Variants in NLRP13 observed in about 807,000 individuals in gnomAD.
NLRP13 encodes the protein NACHT, LRR and PYD domains-containing protein 13.
Under a neutral mutation model 94.4 loss-of-function variants are expected in NLRP13, and 82 were observed. The ratio of observed to expected loss-of-function variants is 0.87; its 90% CI spans 0.73 to 1.04. The LOEUF is 1.04. Ranked by LOEUF, NLRP13 falls within the 50% of genes least tolerant of loss-of-function variation. The pLI is 0.00. For missense variants in NLRP13, 1,426 were observed against 1,230.8 expected (o/e 1.16, Z -2.37); for synonymous variants, 553 against 464.7 (o/e 1.19, Z -2.45).
chr19:55,920,067 C>G (rs1370914628), intron 4 of NLRP13, among the ~76,000 whole-genome samples: 2 of 152,102 alleles, frequency 1.3e-5, no homozygotes, highest in African/African-American at 2.4e-5. Flanking sequence ...TCAATAAAAA[C>G]ACGCACTAGG....
intron 7 of NLRP13, among the ~76,000 whole-genome samples, chr19:55,905,455 A>G (rs979196629): frequency 8.4e-6 from 1 of 118,794 alleles, no homozygotes; most frequent in African/African-American, 2.7e-5. Flanking sequence ...ATATATATAC[A>G]TATATACACA....
In NLRP13 at chr19:55,912,668, A is replaced by T. The variant is rs1321974731; in HGVS notation, c.1149T>A (p.Ile383=). Residue 383 remains isoleucine, a synonymous_variant, in exon 5 of 11, where the codon ATT becomes ATA. Transcript: ENST00000342929. ...ASLVNPCFVQ[I]TGFTGDDLRV... ...GTAGGTCGTCCCCTGTGAACCCTGT[A>T]ATTTGTACAAAGCATGGATTCACTA... 3.1e-6 allele frequency: 5 copies of T among 1,614,062 alleles called. No individual in the cohort carries two copies. Among genetic ancestry groups the T allele is most frequent in the Non-Finnish European group, 4.2e-6 (5 of 1,180,040 alleles).
At chr19:55,928,963 G>A (rs1433741419) in intron 1 of NLRP13, among the ~76,000 whole-genome samples, 3 of 152,028 alleles carry the variant, frequency 2.0e-5, no homozygotes, top group Non-Finnish European at 4.4e-5. Context: ...TCAAAAAGTG[G>A]GCGAAGTATA....
At chr19:55,928,284 A>C (rs111770180) in intron 1 of NLRP13, among the ~76,000 whole-genome samples, 86 of 152,278 alleles carry the variant, frequency 5.6e-4, no homozygotes, top group African/African-American at 1.8e-3. Flanking sequence ...ACAAAGGATA[A>C]ATGCTTGACG....
downstream of NLRP13, chr19:55,892,087 CCTCT>C (rs766843510): frequency 1.6e-6 from 2 of 1,231,660 alleles, no homozygotes; most frequent in Non-Finnish European, 2.0e-6. Flanking sequence ...GTCTGTATCT[CCTCT>C]CTCACTACAT....
chr19:55,928,028 A>G (rs924034694), intron 1 of NLRP13, among the ~76,000 whole-genome samples: 1 of 152,212 alleles, frequency 6.6e-6, no homozygotes, highest in Non-Finnish European at 1.5e-5. Flanking sequence ...GATGGGGCTA[A>G]CAGGGCACTA....
At position 55,932,209 on chromosome 19, in the gene NLRP13, A is replaced by G. The variant is rs1312011569; in HGVS notation, c.103T>C (p.Cys35Arg). ...TCCATCAGCTGCTGGGGTTCCAAGC[A>G]AAGCTTGAATTCCTCCAGCTGATAC... ...DQYQLEEFKL[C>R]LEPQQLMDFW... The change falls in exon 1 of 11, where the codon TGC (cysteine) becomes CGC (arginine). Residue 35 changes from cysteine (C) to arginine (R), a missense_variant. By Grantham distance (180) the Cys-to-Arg change is radical (BLOSUM62 -3). Transcript: ENST00000342929. 6.2e-7 allele frequency: 1 copy of G among 1,613,970 alleles called. No individual in the cohort carries two copies.
chr19:55,920,991 T>A (rs1986809676), intron 4 of NLRP13, among the ~76,000 whole-genome samples: 1 of 152,184 alleles, frequency 6.6e-6, no homozygotes, highest in African/African-American at 2.4e-5. Flanking sequence ...GAGGCCATTA[T>A]CTTAAGTGAA....
At chr19:55,892,531 C>A (rs1395757942), downstream of NLRP13, among the ~76,000 whole-genome samples, 1 of 152,132 alleles carries the variant, frequency 6.6e-6, no homozygotes, top group Non-Finnish European at 1.5e-5. Flanking sequence ...CAGCGATTCT[C>A]CTGCCTTAGG....
At chr19:55,916,436 G>T (rs1307274499) in intron 4 of NLRP13, among the ~76,000 whole-genome samples, 1 of 152,128 alleles carries the variant, frequency 6.6e-6, no homozygotes, top group Non-Finnish European at 1.5e-5. Context: ...AGCTCAGTGA[G>T]ATCCAAGAGA....
At position 55,902,114 on chromosome 19, in the gene NLRP13, T is replaced by C; in HGVS notation, c.2710A>G (p.Lys904Glu). 6.2e-7 allele frequency: 1 copy of C among 1,614,134 alleles called. No homozygotes were observed. Among genetic ancestry groups the C allele is most frequent in the Non-Finnish European group, 8.5e-7 (1 of 1,180,006 alleles). The change falls in exon 9 of 11, where the codon AAG becomes GAG. Residue 904 changes from lysine (K) to glutamate (E), a missense_variant. Transcript: ENST00000342929. ...ACTCCCTCGTCTCTCAGGCTGTTCT[T>C]GCTCAGATTCAGGTGTGTCAGGCTC... ...NRSLTHLNLS[K>E]NSLRDEGVKF...
chr19:55,912,019 G>A lies in NLRP13; in HGVS notation c.1798C>T (p.Leu600=), dbSNP rs1986532087. The A allele has an allele frequency of 1.2e-6, 2 of 1,614,134 alleles. No individual in the cohort carries two copies. The highest frequency in any genetic ancestry group is 2.7e-5 in the African/African-American group (2 of 75,032). Residue 600 remains leucine (L), a synonymous_variant, in exon 5 of 11, where the codon CTG becomes TTG. Coordinates refer to ENST00000342929, the MANE Select transcript of NLRP13 (RefSeq NM_176810.2). ...GLLNKNIARE[L]EDTLHCKISP... The stretch of plus-strand genomic sequence containing the variant: ...ATTTTACAATGCAAAGTATCTTCCA[G>A]TTCTCTTGCTATGTTTTTATTTAAA...
Position 55,912,979 on chromosome 19 carries a change from T to A in NLRP13, c.838A>T (p.Thr280Ser). 17 of 1,614,132 alleles carry A rather than the reference T, an allele frequency of 1.1e-5. No homozygotes were observed. Among genetic ancestry groups the A allele is most frequent in the Non-Finnish European group, 1.4e-5 (17 of 1,180,004 alleles). The change falls in exon 5 of 11, where the codon ACC (threonine) becomes TCC (serine). Residue 280 changes from threonine (T) to serine (S), a missense_variant. Physicochemically the swap from Thr to Ser is moderately conservative, Grantham distance 58. Coordinates refer to ENST00000342929, the MANE Select transcript of NLRP13 (RefSeq NM_176810.2). ...TCCAAAGAAATCAATTCAGCAAAGG[T>A]AGTTTCCTTCATGTACCTTATTTTA... ...CHKIRYMKET[T>S]FAELISLDWP... is the part of the protein sequence containing the mutation.
At chr19:55,899,786 A>G (rs924199478) in intron 9 of NLRP13, among the ~76,000 whole-genome samples, 1 of 152,126 alleles carries the variant, frequency 6.6e-6, no homozygotes, top group Non-Finnish European at 1.5e-5. Flanking sequence ...TTTAAAAAAA[A>G]TTTTGACTAC....
chr19:55,928,218 GC>G (rs1987017746), intron 1 of NLRP13, among the ~76,000 whole-genome samples: 1 of 152,140 alleles, frequency 6.6e-6, no homozygotes, highest in Admixed American at 6.5e-5. Flanking sequence ...GCCCCGCCTG[GC>G]CCTGCAGCCT....
chr19:55,904,889 A>T, intron 8 of NLRP13, 53 bp downstream of exon 8: 1 of 1,451,184 alleles, frequency 6.9e-7, no homozygotes, highest in Non-Finnish European at 9.5e-7. Flanking sequence ...CCATTGTTCT[A>T]GATATCTGTG....
intron 1 of NLRP13, among the ~76,000 whole-genome samples, chr19:55,931,344 T>C (rs1987127999): frequency 6.6e-6 from 1 of 152,098 alleles, no homozygotes; most frequent in African/African-American, 2.4e-5. Flanking sequence ...ATGCATAAGC[T>C]AACATGAAAT....
intron 1 of NLRP13, among the ~76,000 whole-genome samples, chr19:55,931,190 G>T (rs1213461233): frequency 1.3e-5 from 2 of 152,068 alleles, no homozygotes; most frequent in Non-Finnish European, 2.9e-5. Context: ...TCGTACTGAG[G>T]AAGCGGGTAG....
downstream of NLRP13, among the ~76,000 whole-genome samples, chr19:55,895,209 AAAAG>A (rs926428638): frequency 1.3e-5 from 2 of 150,156 alleles, no homozygotes; most frequent in Admixed American, 1.3e-4. Flanking sequence ...AAAAAAAAAA[AAAAG>A]AAAGAAAAGA....
Sources: allele counts gnomAD v4.1 joint callset (sites outside exome capture counted in the v4.1 genomes callset), GRCh38; gene constraint gnomAD v4.1.1; transcripts MANE v1.5; gene names NCBI Gene and HGNC (gene_info 2026-07-23, HGNC 2026-07-21).